The following PTPRN2 variants were observed in gnomAD, a reference collection of about 807,000 sequenced individuals.
PTPRN2 encodes the protein protein tyrosine phosphatase receptor type N2.
Under a neutral mutation model 118.8 loss-of-function variants are expected in PTPRN2, and 74 were observed. That is an observed-to-expected ratio of 0.62 (90% CI 0.52 to 0.76). The LOEUF (loss-of-function observed/expected upper bound fraction) is 0.76. Ranked by LOEUF, PTPRN2 falls within the 30% of genes least tolerant of loss-of-function variation. The pLI is 0.00. For synonymous variants in PTPRN2, 641 were observed against 608.0 expected, an observed-to-expected ratio of 1.05 and a Z score of -0.80; for missense variants, 1,481 against 1,394.4, an observed-to-expected ratio of 1.06 and a Z score of -0.99.
chr7:158,464,598 G>A (rs982976389), intron 2 of PTPRN2, among the ~76,000 whole-genome samples: 47 of 125,560 alleles, frequency 3.7e-4, no homozygotes, highest in East Asian at 2.7e-3. Context: ...CATCCATACC[G>A]TCACCATCAT....
intron 3 of PTPRN2, among the ~76,000 whole-genome samples, chr7:158,258,075 G>A (rs113649202): frequency 0.019 from 2,948 of 152,316 alleles, 42 homozygotes; most frequent in African/African-American, 0.035. Context: ...ATAACTGGGC[G>A]GGAGCCTGAC....
At chr7:158,465,185 A>C (rs891675064) in intron 2 of PTPRN2, among the ~76,000 whole-genome samples, 1 of 152,192 alleles carries the variant, frequency 6.6e-6, no homozygotes, top group African/African-American at 2.4e-5. Context: ...CCCATCTTGC[A>C]GAGTTTGTGC....
At chr7:158,269,626 T>C (rs902768794) in intron 3 of PTPRN2, among the ~76,000 whole-genome samples, 6 of 151,900 alleles carry the variant, frequency 3.9e-5, no homozygotes, top group African/African-American at 1.2e-4. Context: ...GTAGGAACAA[T>C]GGTGAAGGGT....
In PTPRN2 at chr7:158,479,807, C is replaced by T. The variant is rs143359354; in HGVS notation, c.163+9928G>A. 1.5e-3 allele frequency among the ~76,000 whole-genome samples: 224 copies of T among 152,290 alleles called. 7 individuals carry two copies. In the South Asian group the frequency reaches 0.044, roughly 30 times the overall value. On this transcript the variant is annotated intron_variant, in intron 2 of 22. Transcript: ENST00000389418. ...CCTCCAGTGCCCGAAGGCTGATTCTCGGAGAGCTCACAGGGTACTACGGGG... is the reference window on the plus strand; with the variant it reads ...CCTCCAGTGCCCGAAGGCTGATTCTTGGAGAGCTCACAGGGTACTACGGGG...
At chr7:158,409,734 C>T (rs568369417) in intron 2 of PTPRN2, among the ~76,000 whole-genome samples, 2 of 152,176 alleles carry the variant, frequency 1.3e-5, no homozygotes, top group African/African-American at 4.8e-5. Context: ...ATCGCGCAGG[C>T]CCCCTCAGAC....
chr7:157,628,102 G>C (rs1311436431), intron 14 of PTPRN2, among the ~76,000 whole-genome samples: 2 of 152,196 alleles, frequency 1.3e-5, no homozygotes, highest in Non-Finnish European at 2.9e-5. Flanking sequence ...ACTGGGTGCT[G>C]CTAGACGGGT....
intron 6 of PTPRN2, among the ~76,000 whole-genome samples, chr7:158,156,880 A>T (rs1821866685): frequency 6.6e-6 from 1 of 152,266 alleles, no homozygotes; most frequent in African/African-American, 2.4e-5. Context: ...ATGCTTATAC[A>T]GCGGAGAGCA....
chr7:157,765,928 CTCCA>C (rs1563085213), intron 12 of PTPRN2, among the ~76,000 whole-genome samples: 1 of 145,714 alleles, frequency 6.9e-6, no homozygotes, highest in Admixed American at 6.8e-5. Context: ...TCCATTCTTC[CTCCA>C]TCCATCCACC....
intron 9 of PTPRN2, among the ~76,000 whole-genome samples, chr7:158,128,757 A>C (rs1030239310): frequency 1.3e-5 from 2 of 152,010 alleles, no homozygotes; most frequent in Non-Finnish European, 2.9e-5. Flanking sequence ...AAGCCCTTAA[A>C]ATGACCAGAT....
intron 14 of PTPRN2, among the ~76,000 whole-genome samples, chr7:157,635,464 A>G (rs888232346): frequency 1.1e-4 from 16 of 152,288 alleles, no homozygotes; most frequent in African/African-American, 3.4e-4. Context: ...CGTTTCGGAC[A>G]AATGGTTACC....
At chr7:158,328,418 G>C (rs1283455833) in intron 2 of PTPRN2, among the ~76,000 whole-genome samples, 1 of 152,230 alleles carries the variant, frequency 6.6e-6, no homozygotes, top group Non-Finnish European at 1.5e-5. Context: ...TTATTTTCAA[G>C]GATTTCGTTA....
At chr7:158,136,161 C>G (rs1205916155) in intron 8 of PTPRN2, among the ~76,000 whole-genome samples, 2 of 152,194 alleles carry the variant, frequency 1.3e-5, no homozygotes, top group African/African-American at 4.8e-5. Context: ...AACGTGCCGC[C>G]GACCTGAACC....
At chr7:158,069,079 G>A (rs897965052) in intron 11 of PTPRN2, among the ~76,000 whole-genome samples, 7 of 152,210 alleles carry the variant, frequency 4.6e-5, no homozygotes, top group Admixed American at 4.6e-4. Flanking sequence ...TAGTGAAGCG[G>A]CCTCATCTTG....
chr7:158,342,539 T>G (rs1317810080), intron 2 of PTPRN2, among the ~76,000 whole-genome samples: 1 of 140,316 alleles, frequency 7.1e-6, no homozygotes, highest in Non-Finnish European at 1.5e-5. Flanking sequence ...CAGACGTCAC[T>G]CACACCCACA....
In PTPRN2 at chr7:157,848,132, G is replaced by A. The variant is rs567036067; in HGVS notation, c.1788+50541C>T. On this transcript the variant is annotated intron_variant, in intron 12 of 22. Transcript: ENST00000389418. ...AGAGCCCTCTTTCATTACATCATGT[G>A]TGCCTGATGTTTACAGAGCCCTCTC... is the stretch of plus-strand genomic sequence containing the variant. Among the ~76,000 whole-genome samples the A allele has an allele frequency of 7.1e-3, 1,044 of 146,690 alleles. 9 individuals carry two copies. Among genetic ancestry groups the A allele is most frequent in the African/African-American group, 0.025 (984 of 38,744 alleles).
intron 6 of PTPRN2, among the ~76,000 whole-genome samples, chr7:158,164,242 C>CA (rs1374259884): frequency 2.6e-5 from 4 of 151,348 alleles, no homozygotes; most frequent in Admixed American, 6.6e-5. Context: ...GCTCGCAGAG[C>CA]AGGAGCGCAC....
chr7:158,078,755 T>G (rs1437713551), intron 11 of PTPRN2, among the ~76,000 whole-genome samples: 1 of 152,262 alleles, frequency 6.6e-6, no homozygotes, highest in Non-Finnish European at 1.5e-5. Flanking sequence ...CTGAGGCCGA[T>G]GGGCCAGTCA....
chr7:158,341,862 TGC>T lies in PTPRN2; in HGVS notation c.164-24932_164-24931del, dbSNP rs1563178834. 7.1e-4 allele frequency among the ~76,000 whole-genome samples: 18 copies of T among 25,432 alleles called. 3 individuals are homozygous for T. Among genetic ancestry groups the T allele is most frequent in the Non-Finnish European group, 1.2e-3 (15 of 12,380 alleles). 16.7% of individuals were successfully genotyped at this position (25,432 alleles called of 152,430 possible). The stretch of plus-strand genomic sequence containing the variant: ...CACCCACACTCTCACCATAAGAGTG[TGC>T]CCCGCAGGCGTCACTCACACCCACA... On this transcript the variant is annotated intron_variant, in intron 2 of 22. Transcript: ENST00000389418.
chr7:158,013,138 A>G (rs1806165232), intron 11 of PTPRN2, among the ~76,000 whole-genome samples: 1 of 152,162 alleles, frequency 6.6e-6, no homozygotes, highest in Non-Finnish European at 1.5e-5. Flanking sequence ...AGAAAAGTTA[A>G]TGTTACCCCC....
Sources: allele counts gnomAD v4.1 joint callset (sites outside exome capture counted in the v4.1 genomes callset), GRCh38; gene constraint gnomAD v4.1.1; transcripts MANE v1.5; gene names NCBI Gene and HGNC (gene_info 2026-07-23, HGNC 2026-07-21).